Variants in GHR observed in about 807,000 individuals in gnomAD.
GHR encodes the protein growth hormone receptor, also known as GH receptor.
GHR carries 35 observed loss-of-function variants against 67.1 expected under a neutral mutation model. That is an observed-to-expected ratio of 0.52 (90% confidence interval 0.40 to 0.69). The LOEUF (loss-of-function observed/expected upper bound fraction) is 0.69, where lower values mean the gene tolerates loss of function less well. Among genes scored for constraint, GHR ranks in the 30% least tolerant of loss-of-function variants. The probability of loss-of-function intolerance (pLI) is 0.00; values close to 1 mark genes in which losing one functional copy is unlikely to be tolerated. For synonymous variants in GHR, 272 were observed against 269.1 expected, an observed-to-expected ratio of 1.01 and a Z score of -0.10; for missense variants, 792 against 764.6, an observed-to-expected ratio of 1.04 and a Z score of -0.42.
chr5:42,550,904 T>C (rs187544176), intron 1 of GHR, among the ~76,000 whole-genome samples: 1 of 152,316 alleles, frequency 6.6e-6, no homozygotes, highest in East Asian at 1.9e-4. Flanking sequence ...TCAGGTTATG[T>C]TCTGCTGCCC....
rs1187708091 is a variant in GHR at position 42,424,570 on chromosome 5, G to A, written c.-12+615G>A. The A allele has an allele frequency of 6.5e-7, 1 of 1,534,538 alleles. No individual in the cohort carries two copies. The highest frequency in any genetic ancestry group is 2.4e-5 in the East Asian group (1 of 40,874). ...CACCGATGGAACTGGGGTCAGTAGA[G>A]TGACAGCCACCAGTCCGCATGAACT... On this transcript the variant is annotated intron_variant, in intron 1 of 9. Coordinates refer to ENST00000230882, the MANE Select transcript of GHR (RefSeq NM_000163.5). The surrounding 1 kb of genome is among the most constrained non-coding windows in gnomAD (Gnocchi z 4.1).
chr5:42,517,364 G>A (rs554769395), intron 1 of GHR, among the ~76,000 whole-genome samples: 6 of 152,206 alleles, frequency 3.9e-5, no homozygotes, highest in Non-Finnish European at 7.3e-5. Flanking sequence ...GGAAGGCAGG[G>A]ATGTGTCTGT....
intron 1 of GHR, among the ~76,000 whole-genome samples, chr5:42,534,835 TA>T (rs545787460): frequency 2.9e-4 from 44 of 151,808 alleles, no homozygotes; most frequent in African/African-American, 4.8e-4. Context: ...GTTTTATTAT[TA>T]TTTTTTTTAT....
At chr5:42,543,883 C>T (rs1748622600) in intron 1 of GHR, among the ~76,000 whole-genome samples, 2 of 151,980 alleles carry the variant, frequency 1.3e-5, no homozygotes, top group Non-Finnish European at 1.5e-5. Flanking sequence ...CGTAACTGCT[C>T]TTTTAAATTT....
intron 1 of GHR, among the ~76,000 whole-genome samples, chr5:42,520,917 T>C (rs1747444362): frequency 6.6e-6 from 1 of 152,194 alleles, no homozygotes; most frequent in Admixed American, 6.5e-5. Flanking sequence ...TGGTCTCCGT[T>C]GCTCTCTATC....
At chr5:42,468,517 C>T (rs970461399) in intron 1 of GHR, 1 of 795,254 alleles carries the variant, frequency 1.3e-6, no homozygotes, top group East Asian at 2.5e-5. Context: ...GGACCAGGAC[C>T]TCAGCTCCTA....
intron 3 of GHR, among the ~76,000 whole-genome samples, chr5:42,676,025 G>A (rs776114341): frequency 1.9e-4 from 29 of 152,140 alleles, no homozygotes; most frequent in African/African-American, 6.0e-4. Flanking sequence ...GGTGGCTCAC[G>A]CCTGTAATCC....
intron 1 of GHR, among the ~76,000 whole-genome samples, chr5:42,552,488 C>A (rs1749085232): frequency 6.6e-6 from 1 of 152,158 alleles, no homozygotes; most frequent in South Asian, 2.1e-4. Context: ...GCCTTTCTAA[C>A]TTTCCCTGGG....
intron 3 of GHR, among the ~76,000 whole-genome samples, chr5:42,649,862 A>G (rs984562285): frequency 1.2e-4 from 19 of 152,228 alleles, no homozygotes; most frequent in African/African-American, 4.3e-4. Flanking sequence ...TTTAACTGCT[A>G]GAAAACAAGG....
intron 1 of GHR, among the ~76,000 whole-genome samples, chr5:42,509,090 C>A (rs1396078725): frequency 4.6e-5 from 7 of 152,188 alleles, no homozygotes; most frequent in Non-Finnish European, 1.0e-4. Context: ...ACACTTTACT[C>A]CATGGTTCAT....
chr5:42,489,775 G>A (rs2112187496), intron 1 of GHR, among the ~76,000 whole-genome samples: 1 of 152,228 alleles, frequency 6.6e-6, no homozygotes, highest in Non-Finnish European at 1.5e-5. Flanking sequence ...TCCAAATCCA[G>A]AAGTTATGGC....
At chr5:42,529,136 C>T (rs775359049) in intron 1 of GHR, among the ~76,000 whole-genome samples, 81 of 151,844 alleles carry the variant, frequency 5.3e-4, no homozygotes, top group Admixed American at 1.8e-3. Flanking sequence ...CTCAGCCTCC[C>T]GAGTAGCTGG....
At chr5:42,627,235 G>T (rs146809600) in intron 2 of GHR, among the ~76,000 whole-genome samples, 58 of 152,074 alleles carry the variant, frequency 3.8e-4, no homozygotes, top group African/African-American at 9.6e-4. Context: ...TGTTTAAAAA[G>T]AATTTATATT....
rs139410685 is a variant in GHR, at chr5:42,552,510, T to C, written c.-11-13354T>C. 2.1e-3 allele frequency among the ~76,000 whole-genome samples: 319 copies of C among 152,314 alleles called. 1 individual carries two copies. Among genetic ancestry groups the C allele is most frequent in the Admixed American group, 4.1e-3 (63 of 15,296 alleles). ...TAACTTTCCCTGGGATCATCTTATGTTGATTTACATGTTCAAAAAATTTTT... is the reference window on the plus strand; with the variant it reads ...TAACTTTCCCTGGGATCATCTTATGCTGATTTACATGTTCAAAAAATTTTT... On this transcript the variant is annotated intron_variant, in intron 1 of 9. Transcript: ENST00000230882.
At chr5:42,657,708 AC>A (rs1755331802) in intron 3 of GHR, among the ~76,000 whole-genome samples, 2 of 152,204 alleles carry the variant, frequency 1.3e-5, no homozygotes, top group African/African-American at 4.8e-5. Flanking sequence ...TCTATGAAGT[AC>A]TATAAGTCTA....
intron 1 of GHR, among the ~76,000 whole-genome samples, chr5:42,541,716 G>A (rs1748527095): frequency 1.3e-5 from 2 of 152,164 alleles, no homozygotes; most frequent in African/African-American, 4.8e-5. Flanking sequence ...GATAAAGATG[G>A]AGATGGTAAG....
chr5:42,595,867 G>A (rs1025664617), intron 2 of GHR, among the ~76,000 whole-genome samples: 52 of 152,340 alleles, frequency 3.4e-4, no homozygotes, highest in African/African-American at 1.2e-3. Context: ...AGGAGATCTG[G>A]CTGACGTGGC....
intron 2 of GHR, among the ~76,000 whole-genome samples, chr5:42,610,372 A>C (rs1752835008): frequency 6.6e-6 from 1 of 152,162 alleles, no homozygotes; most frequent in South Asian, 2.1e-4. Flanking sequence ...AAGAAGAAAA[A>C]ACAAAACTAA....
intron 5 of GHR, 137 bp from the exon 6 acceptor site, chr5:42,699,684 TATA>T (rs1462844881): frequency 2.6e-5 from 18 of 694,198 alleles, no homozygotes; most frequent in African/African-American, 1.6e-4. Flanking sequence ...AAGTGAAAGT[TATA>T]ATAAGAAAAA....
Sources: allele counts gnomAD v4.1 joint callset (sites outside exome capture counted in the v4.1 genomes callset), GRCh38; gene constraint gnomAD v4.1.1; non-coding constraint Gnocchi (gnomAD v3.1); transcripts MANE v1.5; gene names NCBI Gene and HGNC (gene_info 2026-07-23, HGNC 2026-07-21).